The following NUDCD1 variants were observed in gnomAD, a reference collection of about 807,000 sequenced individuals.
NUDCD1 encodes the protein nudC domain-containing protein 1.
A neutral mutation model predicts 67.8 loss-of-function variants in NUDCD1; 60 were observed. The ratio of observed to expected loss-of-function variants is 0.88; its 90% CI spans 0.72 to 1.10. The LOEUF (loss-of-function observed/expected upper bound fraction) is 1.10. Ranked by LOEUF, NUDCD1 falls within the 50% of genes least tolerant of loss-of-function variation. NUDCD1 has a pLI of 0.00. For missense variants in NUDCD1, 643 were observed against 695.0 expected (o/e 0.93, Z 0.84); for synonymous variants, 244 against 230.8 (o/e 1.06, Z -0.52).
intron 1 of NUDCD1, among the ~76,000 whole-genome samples, chr8:109,329,559 C>A (rs991746144): frequency 2.0e-5 from 3 of 152,048 alleles, no homozygotes; most frequent in Non-Finnish European, 2.9e-5. Context: ...GAGGCTATAA[C>A]TTTAAAGCAT....
intron 2 of NUDCD1, among the ~76,000 whole-genome samples, chr8:109,296,955 C>T (rs1814857709): frequency 6.6e-6 from 1 of 152,108 alleles, no homozygotes; most frequent in African/African-American, 2.4e-5. Context: ...GAAAATGTAT[C>T]CTTTAGTCCT....
chr8:109,291,724 GA>G (rs1231342329), intron 4 of NUDCD1, among the ~76,000 whole-genome samples: 1 of 152,102 alleles, frequency 6.6e-6, no homozygotes, highest in Non-Finnish European at 1.5e-5. Flanking sequence ...AATCTTGGGA[GA>G]AAAAAGGTTA....
chr8:109,296,718 G>C (rs544207769), intron 2 of NUDCD1, 149 bp from the exon 3 acceptor site: 2 of 570,960 alleles, frequency 3.5e-6, no homozygotes, highest in South Asian at 2.7e-5. Context: ...TACTGATTCA[G>C]TTTTAACAAA....
intron 9 of NUDCD1, among the ~76,000 whole-genome samples, chr8:109,245,091 C>G (rs188961596): frequency 7.9e-5 from 12 of 152,258 alleles, no homozygotes; most frequent in African/African-American, 2.9e-4. Context: ...TAGATAACCA[C>G]TTTCATTTCT....
intron 6 of NUDCD1, among the ~76,000 whole-genome samples, chr8:109,279,251 G>A (rs1814372252): frequency 6.6e-6 from 1 of 152,200 alleles, no homozygotes; most frequent in Admixed American, 6.5e-5. Context: ...ATATGAATGA[G>A]TTGCTGGTGC....
chr8:109,284,336 TG>T (rs953652564), intron 5 of NUDCD1, among the ~76,000 whole-genome samples: 69 of 152,158 alleles, frequency 4.5e-4, no homozygotes, highest in African/African-American at 1.6e-3. Flanking sequence ...AAGACAATAG[TG>T]GGGAACTTCA....
At chr8:109,264,163 TTTTTCATGGAAC>T (rs1651592513) in intron 8 of NUDCD1, among the ~76,000 whole-genome samples, 1 of 152,188 alleles carries the variant, frequency 6.6e-6, no homozygotes, top group Admixed American at 6.5e-5. Context: ...AAATGGCTGT[TTTTTCATGGAAC>T]ATCATTTTTA....
At chr8:109,257,491 T>A (rs372860944) in intron 8 of NUDCD1, among the ~76,000 whole-genome samples, 1 of 152,098 alleles carries the variant, frequency 6.6e-6, no homozygotes, top group African/African-American at 2.4e-5. Flanking sequence ...ATCAGAAGAT[T>A]CAATATCATT....
At chr8:109,286,925 C>G (rs1814587105) in intron 5 of NUDCD1, among the ~76,000 whole-genome samples, 1 of 151,958 alleles carries the variant, frequency 6.6e-6, no homozygotes, top group South Asian at 2.1e-4. Context: ...TGAACAAGCA[C>G]AAAACAAATA....
At chr8:109,332,882 C>T (rs1223066554) in intron 1 of NUDCD1, among the ~76,000 whole-genome samples, 3 of 152,330 alleles carry the variant, frequency 2.0e-5, no homozygotes, top group Non-Finnish European at 2.9e-5. Context: ...TCCTCCAAGA[C>T]GCCTTCCCAG....
intron 2 of NUDCD1, among the ~76,000 whole-genome samples, chr8:109,318,002 A>G (rs931380893): frequency 4.6e-5 from 7 of 152,216 alleles, no homozygotes; most frequent in Non-Finnish European, 1.0e-4. Flanking sequence ...ATGTAGAAGT[A>G]TAAGTACTTG....
intron 1 of NUDCD1, among the ~76,000 whole-genome samples, chr8:109,324,964 C>T (rs892229084): frequency 6.6e-6 from 1 of 152,086 alleles, no homozygotes; most frequent in African/African-American, 2.4e-5. Context: ...ACAGTGCGTG[C>T]CTGTAATTCC....
chr8:109,260,205 T>C (rs763300120), intron 8 of NUDCD1, among the ~76,000 whole-genome samples: 4 of 152,344 alleles, frequency 2.6e-5, no homozygotes, highest in Middle Eastern at 6.8e-3. Context: ...TTTCCTTTTA[T>C]TCGAGAGAAG....
chr8:109,252,306 T>C (rs917308094), intron 8 of NUDCD1, among the ~76,000 whole-genome samples: 2 of 152,180 alleles, frequency 1.3e-5, no homozygotes, highest in Non-Finnish European at 1.5e-5. Context: ...TCTAATAACC[T>C]GGATGATTTT....
intron 1 of NUDCD1, among the ~76,000 whole-genome samples, chr8:109,328,716 T>C (rs553541788): frequency 9.9e-5 from 15 of 152,038 alleles, no homozygotes; most frequent in African/African-American, 3.6e-4. Flanking sequence ...GACTAACAAA[T>C]CATAAAAGCA....
At chr8:109,281,978 C>A (rs779653083) in intron 5 of NUDCD1, among the ~76,000 whole-genome samples, 14 of 152,162 alleles carry the variant, frequency 9.2e-5, no homozygotes, top group Non-Finnish European at 1.6e-4. Context: ...CTGGAGCTCT[C>A]CTAGATTAGG....
chr8:109,301,730 A>G (rs1346428747), intron 2 of NUDCD1, among the ~76,000 whole-genome samples: 2 of 152,070 alleles, frequency 1.3e-5, no homozygotes, highest in Non-Finnish European at 2.9e-5. Context: ...TGTCCTTCCA[A>G]TTCCAGCTCT....
intron 2 of NUDCD1, among the ~76,000 whole-genome samples, chr8:109,303,700 A>C (rs928179437): frequency 1.3e-5 from 2 of 151,906 alleles, no homozygotes; most frequent in South Asian, 2.1e-4. Flanking sequence ...CTTAATCCAC[A>C]AGTATAGGAC....
At chr8:109,317,936 C>A (rs1268434460) in intron 2 of NUDCD1, among the ~76,000 whole-genome samples, 2 of 152,248 alleles carry the variant, frequency 1.3e-5, no homozygotes, top group South Asian at 2.1e-4. Context: ...GTAATAGTTA[C>A]CTGTACACTC....
Sources: gnomAD v4.1 joint callset for allele counts (sites outside exome capture counted in the v4.1 genomes callset) on GRCh38, gnomAD v4.1.1 for gene constraint, MANE v1.5 for transcripts, NCBI Gene and HGNC (gene_info 2026-07-23, HGNC 2026-07-21) for gene names.